The following STX11 variants were observed in gnomAD, a reference collection of about 807,000 sequenced individuals.
STX11 encodes the protein syntaxin-11.
In STX11, 21 loss-of-function variants were observed where a neutral mutation model predicts 19.9. That is an observed-to-expected ratio of 1.06 (90% confidence interval 0.75 to 1.52). The LOEUF (loss-of-function observed/expected upper bound fraction) is 1.52, where lower values mean the gene tolerates loss of function less well. Ranked by LOEUF, STX11 falls within the 40% of genes most tolerant of loss-of-function variation. STX11 has a pLI of 0.00. For synonymous variants in STX11, 193 were observed against 174.4 expected, an observed-to-expected ratio of 1.11 and a Z score of -0.84; for missense variants, 438 against 405.9, an observed-to-expected ratio of 1.08 and a Z score of -0.68.
Position 144,175,336 on chromosome 6 carries a change from G to A in STX11, c.-5-11287G>A, listed in dbSNP as rs1270472016. Among the ~76,000 whole-genome samples, 1 of 152,166 alleles carries A rather than the reference G, an allele frequency of 6.6e-6. No individual in the cohort carries two copies. Among genetic ancestry groups the A allele is most frequent in the Non-Finnish European group, 1.5e-5 (1 of 68,012 alleles). On this transcript the variant is annotated intron_variant, in intron 1 of 1. Coordinates refer to ENST00000367568, the MANE Select transcript of STX11 (RefSeq NM_003764.4). The surrounding 1 kb of genome is among the most constrained non-coding windows in gnomAD (Gnocchi z 5.1). ...ACTCTCATGAAAATGCTTTATACATGTTAGAATTTTATTGCTGTAAATGGA... is the reference window on the plus strand; with the variant it reads ...ACTCTCATGAAAATGCTTTATACATATTAGAATTTTATTGCTGTAAATGGA...
rs1584037194 is a variant in STX11 at position 144,170,400 on chromosome 6, C to T, written c.-5-16223C>T. Reference sequence around the variant, plus strand: ...CATGTGCAGAAAAGATGTATTGCAGCTGAAGGGGGATGGGAGGGTCTTTTT... The same window carrying T: ...CATGTGCAGAAAAGATGTATTGCAGTTGAAGGGGGATGGGAGGGTCTTTTT... On this transcript the variant is annotated intron_variant, in intron 1 of 1. Coordinates refer to ENST00000367568, the MANE Select transcript of STX11 (RefSeq NM_003764.4). This position sits in a 1 kb window ranked among gnomAD's most constrained non-coding sequence, Gnocchi z 4.7. Among the ~76,000 whole-genome samples, 1 of 152,060 alleles carries T rather than the reference C, an allele frequency of 6.6e-6. No individual in the cohort carries two copies. The highest frequency in any genetic ancestry group is 1.9e-4 in the East Asian group (1 of 5,198).
In STX11 at chr6:144,151,209, C is replaced by T; in HGVS notation, c.-6+506C>T. Reference sequence around the variant, plus strand: ...TGATAGAGCCTTCGAGGAGTCCCTTCGAAGCCCACGTAAGACTTTGTTTTA... The same window carrying T: ...TGATAGAGCCTTCGAGGAGTCCCTTTGAAGCCCACGTAAGACTTTGTTTTA... On this transcript the variant is annotated intron_variant, in intron 1 of 1. Coordinates refer to ENST00000367568, the MANE Select transcript of STX11 (RefSeq NM_003764.4). This position sits in a 1 kb window ranked among gnomAD's most constrained non-coding sequence, Gnocchi z 4.6. 2 of 984,516 alleles carry T rather than the reference C, an allele frequency of 2.0e-6. No individual in the cohort carries two copies. Among genetic ancestry groups the T allele is most frequent in the South Asian group, 9.4e-5 (2 of 21,268 alleles). The allele number at this position is 984,516 out of a possible 1,614,324, so 61.0% of individuals were successfully genotyped here. A position where few individuals can be genotyped will look rare whatever the true frequency, so the allele number is the denominator to read the frequency against.
chr6:144,178,634 T>C (rs1408342336), intron 1 of STX11, among the ~76,000 whole-genome samples: 1 of 152,202 alleles, frequency 6.6e-6, no homozygotes, highest in East Asian at 1.9e-4. Context: ...CCTCCAGCAG[T>C]GGTTTGAATA....
rs1801274112 is a variant in STX11, at chr6:144,159,439, A to G, written c.-6+8736A>G. 6.6e-6 allele frequency among the ~76,000 whole-genome samples: 1 copy of G among 152,214 alleles called. No individual in the cohort carries two copies. The highest frequency in any genetic ancestry group is 2.4e-5 in the African/African-American group (1 of 41,458). ...TATAAGTTATATCAAAATAGAAGTT[A>G]CGGATTTGGCTTTGGTTACAAGAGA... On this transcript the variant is annotated intron_variant, in intron 1 of 1. Coordinates refer to ENST00000367568, the MANE Select transcript of STX11 (RefSeq NM_003764.4). This position sits in a 1 kb window ranked among gnomAD's most constrained non-coding sequence, Gnocchi z 4.3.
In STX11 at chr6:144,189,513, C is replaced by T. The variant is rs1802161868; in HGVS notation, c.*2022C>T. On this transcript the variant is annotated 3_prime_UTR_variant, in exon 2 of 2. Coordinates refer to ENST00000367568, the MANE Select transcript of STX11 (RefSeq NM_003764.4). Reference sequence around the variant, plus strand: ...GCAAACTTCTTAATGCCCTTACCCACATTTACCATGTTTCCTGGCCTTCCT... The same window carrying T: ...GCAAACTTCTTAATGCCCTTACCCATATTTACCATGTTTCCTGGCCTTCCT... Among the ~76,000 whole-genome samples the T allele has an allele frequency of 1.3e-5, 2 of 152,212 alleles. No individual in the cohort carries two copies. The highest frequency in any genetic ancestry group is 1.9e-4 in the East Asian group (1 of 5,200).
chr6:144,152,189 G>A lies in STX11; in HGVS notation c.-6+1486G>A, dbSNP rs1359353173. 6.6e-6 allele frequency among the ~76,000 whole-genome samples: 1 copy of A among 152,050 alleles called. No individual in the cohort carries two copies. The highest frequency in any genetic ancestry group is 1.5e-5 in the Non-Finnish European group (1 of 68,012). On this transcript the variant is annotated intron_variant, in intron 1 of 1. Coordinates refer to ENST00000367568, the MANE Select transcript of STX11 (RefSeq NM_003764.4). This position sits in a 1 kb window ranked among gnomAD's most constrained non-coding sequence, Gnocchi z 4.9. The stretch of plus-strand genomic sequence containing the variant: ...CAGATTATCACCCCTAGATAATTGC[G>A]GTCACGATTAGTTGATAGTGTGACT...
chr6:144,150,726 C>A, intron 1 of STX11, 23 bp downstream of exon 1: 1 of 984,696 alleles, frequency 1.0e-6, no homozygotes, highest in Non-Finnish European at 1.2e-6. Context: ...CTTCCTGAGC[C>A]CCCATTTCTC....
Position 144,155,996 on chromosome 6 carries a change from T to C in STX11, c.-6+5293T>C, listed in dbSNP as rs866879949. Among the ~76,000 whole-genome samples, 165 of 124,494 alleles carry C rather than the reference T, an allele frequency of 1.3e-3. 1 individual carries two copies. The highest frequency in any genetic ancestry group is 6.0e-3 in the African/African-American group (143 of 23,932). 81.7% of individuals were successfully genotyped at this position (124,494 alleles called of 152,430 possible). A position where few individuals can be genotyped will look rare whatever the true frequency, so the allele number is the denominator to read the frequency against. On this transcript the variant is annotated intron_variant, in intron 1 of 1. Transcript: ENST00000367568. The surrounding 1 kb of genome is among the most constrained non-coding windows in gnomAD (Gnocchi z 4.5). ...TTTCTTTCTTTCTTTCTTTCTTTCT[T>C]TCTTTCTTTCTTTCTTTCTCTCTTT...
rs1802067725 is a variant in STX11, at chr6:144,187,088, G to A, written c.461G>A (p.Arg154His). 16 of 1,613,574 alleles carry A rather than the reference G, an allele frequency of 9.9e-6. No individual in the cohort carries two copies. Among genetic ancestry groups the A allele is most frequent in the Non-Finnish European group, 1.3e-5 (15 of 1,180,012 alleles). The stretch of plus-strand genomic sequence containing the variant: ...TACAACCAGGCCGAGATGAAGCAGC[G>A]CGACAACTGCAAGATCCGCATCCAG... ...HDYNQAEMKQ[R>H]DNCKIRIQRQ... Residue 154 changes from arginine (R) to histidine (H), a missense_variant, in exon 2 of 2, where the codon CGC becomes CAC. Arg to His is a conservative substitution (Grantham distance 29). Coordinates refer to ENST00000367568, the MANE Select transcript of STX11 (RefSeq NM_003764.4). The surrounding 1 kb of genome is among the most constrained non-coding windows in gnomAD (Gnocchi z 5.6).
At position 144,159,478 on chromosome 6, in the gene STX11, A is replaced by C. The variant is rs1318969616; in HGVS notation, c.-6+8775A>C. Among the ~76,000 whole-genome samples the C allele has an allele frequency of 6.6e-6, 1 of 151,840 alleles. No homozygotes were observed. The highest frequency in any genetic ancestry group is 1.5e-5 in the Non-Finnish European group (1 of 68,000). ...GGTTACAAGAGACTACTTTTTAACAAAGGAAGATCTTTTGGTTGAGCTAGT... is the reference window on the plus strand; with the variant it reads ...GGTTACAAGAGACTACTTTTTAACACAGGAAGATCTTTTGGTTGAGCTAGT... On this transcript the variant is annotated intron_variant, in intron 1 of 1. Coordinates refer to ENST00000367568, the MANE Select transcript of STX11 (RefSeq NM_003764.4). The surrounding 1 kb of genome is among the most constrained non-coding windows in gnomAD (Gnocchi z 4.3).
the STX11 span, among the ~76,000 whole-genome samples, chr6:144,140,239 TA>T: frequency 6.1e-5 from 3 of 49,132 alleles, no homozygotes; most frequent in African/African-American, 4.2e-4. Context: ...TATATATATA[TA>T]TATATATATA....
intron 1 of STX11, among the ~76,000 whole-genome samples, chr6:144,156,831 T>C (rs950279539): frequency 6.6e-6 from 1 of 152,368 alleles, no homozygotes; most frequent in Non-Finnish European, 1.5e-5. Flanking sequence ...CAGCTGATAA[T>C]ATTATTTAGC....
chr6:144,174,061 C>T lies in STX11; in HGVS notation c.-5-12562C>T, dbSNP rs541326647. ...GAGCAGTCTTCTGTTGGGCTCTCCG[C>T]GGCTCCTTCATTTTCAGTCTTTTGT... is the stretch of plus-strand genomic sequence containing the variant. On this transcript the variant is annotated intron_variant, in intron 1 of 1. Transcript: ENST00000367568. The surrounding 1 kb of genome is among the most constrained non-coding windows in gnomAD (Gnocchi z 5.3). Among the ~76,000 whole-genome samples, 4 of 152,318 alleles carry T rather than the reference C, an allele frequency of 2.6e-5. No individual in the cohort carries two copies. The highest frequency in any genetic ancestry group is 3.9e-4 in the East Asian group (2 of 5,186).
Position 144,183,426 on chromosome 6 carries a change from A to C in STX11, c.-5-3197A>C, listed in dbSNP as rs1801955773. ...ATATTTTGAGCAATGAGTTTCATAC[A>C]CTTTTGCATTATATCTTTAGAATAA... On this transcript the variant is annotated intron_variant, in intron 1 of 1. Transcript: ENST00000367568. This position sits in a 1 kb window ranked among gnomAD's most constrained non-coding sequence, Gnocchi z 4.6. 6.6e-6 allele frequency among the ~76,000 whole-genome samples: 1 copy of C among 152,268 alleles called. No homozygotes were observed. Among genetic ancestry groups the C allele is most frequent in the Non-Finnish European group, 1.5e-5 (1 of 68,054 alleles).
In STX11 at chr6:144,190,253, A is replaced by T. The variant is rs1194705628; in HGVS notation, c.*2762A>T. On this transcript the variant is annotated 3_prime_UTR_variant, in exon 2 of 2. Coordinates refer to ENST00000367568, the MANE Select transcript of STX11 (RefSeq NM_003764.4). ...TTAAATCTTGACTCTGCCACATACTAGCTGTCTGACTGAACCTTGGTTTTT... is the reference window on the plus strand; with the variant it reads ...TTAAATCTTGACTCTGCCACATACTTGCTGTCTGACTGAACCTTGGTTTTT... Among the ~76,000 whole-genome samples, 1 of 152,198 alleles carries T rather than the reference A, an allele frequency of 6.6e-6. No homozygotes were observed. Among genetic ancestry groups the T allele is most frequent in the Non-Finnish European group, 1.5e-5 (1 of 68,034 alleles).
intron 1 of STX11, among the ~76,000 whole-genome samples, chr6:144,168,130 CTG>C (rs1235625355): frequency 1.3e-5 from 2 of 152,188 alleles, no homozygotes; most frequent in Admixed American, 6.5e-5. Context: ...TTACTGTACA[CTG>C]TATTTTTTGT....
rs989980294 is a variant in STX11 at position 144,160,024 on chromosome 6, T to C, written c.-6+9321T>C. Reference sequence around the variant, plus strand: ...CTTGTTTTTTAAAAAAATATTATGATTTTTGAGAGACTCTGTCGCCCAGGC... The same window carrying C: ...CTTGTTTTTTAAAAAAATATTATGACTTTTGAGAGACTCTGTCGCCCAGGC... On this transcript the variant is annotated intron_variant, in intron 1 of 1. Transcript: ENST00000367568. The surrounding 1 kb of genome is among the most constrained non-coding windows in gnomAD (Gnocchi z 4.3). Among the ~76,000 whole-genome samples, 1 of 152,100 alleles carries C rather than the reference T, an allele frequency of 6.6e-6. No homozygotes were observed. The highest frequency in any genetic ancestry group is 2.4e-5 in the African/African-American group (1 of 41,408).
rs1246610270 is a variant in STX11 at position 144,175,544 on chromosome 6, T to C, written c.-5-11079T>C. Among the ~76,000 whole-genome samples, 1 of 152,062 alleles carries C rather than the reference T, an allele frequency of 6.6e-6. No homozygotes were observed. Among genetic ancestry groups the C allele is most frequent in the Admixed American group, 6.5e-5 (1 of 15,272 alleles). ...CTGGTCTTGAACTCCTGAACTTAGGTGATCCACACACTTCGGCCTCTCAAA... is the reference window on the plus strand; with the variant it reads ...CTGGTCTTGAACTCCTGAACTTAGGCGATCCACACACTTCGGCCTCTCAAA... On this transcript the variant is annotated intron_variant, in intron 1 of 1. Transcript: ENST00000367568. This position sits in a 1 kb window ranked among gnomAD's most constrained non-coding sequence, Gnocchi z 5.1.
rs574584805 is a variant in STX11 at position 144,155,007 on chromosome 6, C to T, written c.-6+4304C>T. 6.6e-6 allele frequency among the ~76,000 whole-genome samples: 1 copy of T among 152,112 alleles called. No individual in the cohort carries two copies. The highest frequency in any genetic ancestry group is 1.5e-5 in the Non-Finnish European group (1 of 67,988). On this transcript the variant is annotated intron_variant, in intron 1 of 1. Transcript: ENST00000367568. The surrounding 1 kb of genome is among the most constrained non-coding windows in gnomAD (Gnocchi z 4.5). ...TTCTCATTGTTGATAATTCAACCTACCCTGACTTGGATTAATATCCTGATT... is the reference window on the plus strand; with the variant it reads ...TTCTCATTGTTGATAATTCAACCTATCCTGACTTGGATTAATATCCTGATT...
Sources: gnomAD v4.1 joint callset for allele counts (sites outside exome capture counted in the v4.1 genomes callset) on GRCh38, gnomAD v4.1.1 for gene constraint, Gnocchi (gnomAD v3.1) non-coding constraint, MANE v1.5 for transcripts, NCBI Gene and HGNC (gene_info 2026-07-23, HGNC 2026-07-21) for gene names.